DGKD: variants seen among roughly 807,000 people sequenced by gnomAD.
DGKD encodes the protein diacylglycerol kinase delta, also known as DAG kinase delta.
Under a neutral mutation model 154.4 loss-of-function variants are expected in DGKD, and 68 were observed. That is an observed-to-expected ratio of 0.44 (90% CI 0.36 to 0.54). DGKD has a LOEUF of 0.54. DGKD is among the 20% of genes least tolerant of loss of function. The pLI is 0.00. For synonymous variants in DGKD, 693 were observed against 638.0 expected (o/e 1.09, Z -1.30); for missense variants, 1,343 against 1,593.6 (o/e 0.84, Z 2.68).
chr2:233,387,721 T>G (rs1575017462), intron 1 of DGKD, among the ~76,000 whole-genome samples: 1 of 152,096 alleles, frequency 6.6e-6, no homozygotes, highest in African/African-American at 2.4e-5. Context: ...TCATGGTGTG[T>G]GCAGATGCAC....
At chr2:233,451,715 C>T (rs1408637652) in intron 17 of DGKD, among the ~76,000 whole-genome samples, 1 of 152,128 alleles carries the variant, frequency 6.6e-6, no homozygotes, top group Admixed American at 6.5e-5. Flanking sequence ...CACAGGCACA[C>T]ACCTTAGAAG....
At chr2:233,455,141 A>C (rs1032037377) in intron 19 of DGKD, among the ~76,000 whole-genome samples, 1 of 152,216 alleles carries the variant, frequency 6.6e-6, no homozygotes, top group African/African-American at 2.4e-5. Context: ...TCTTAATGAG[A>C]GCCCCAAGTC....
chr2:233,378,740 T>G (rs757980102), intron 1 of DGKD, among the ~76,000 whole-genome samples: 3 of 152,244 alleles, frequency 2.0e-5, no homozygotes, highest in Non-Finnish European at 4.4e-5. Context: ...TATAATTTCT[T>G]TAAAGATTAG....
chr2:233,448,045 G>A (rs745745050), intron 12 of DGKD, 42 bp from the exon 13 acceptor site: 54 of 1,611,852 alleles, frequency 3.4e-5, no homozygotes, highest in Admixed American at 1.7e-4. Flanking sequence ...GGAGCTTGCT[G>A]TCACAGAGAC....
intron 1 of DGKD, among the ~76,000 whole-genome samples, chr2:233,375,841 A>G (rs1037761503): frequency 4.6e-5 from 7 of 151,940 alleles, no homozygotes; most frequent in African/African-American, 1.7e-4. Context: ...CCACACCCCT[A>G]CTTTTCTCCT....
rs768303020 is a variant in DGKD at position 233,437,513 on chromosome 2, C to T, written c.922+34C>T. ...CACACATGCTTATCCTTCTCATGCA[C>T]GCCCACACGCTTCCTTCTCCACGCA... is the stretch of plus-strand genomic sequence containing the variant. On this transcript the variant is annotated intron_variant, in intron 8 of 29. Transcript: ENST00000264057. The T allele has an allele frequency of 3.5e-5, 56 of 1,581,292 alleles. 2 individuals are homozygous for T. The highest frequency in any genetic ancestry group is 3.3e-4 in the Middle Eastern group (2 of 6,040).
At chr2:233,426,162 A>G (rs2062290941) in intron 3 of DGKD, among the ~76,000 whole-genome samples, 1 of 152,244 alleles carries the variant, frequency 6.6e-6, no homozygotes, top group Non-Finnish European at 1.5e-5. Context: ...GTTTTAACAT[A>G]GTGCTGCCAG....
chr2:233,403,579 A>G (rs1442796227), intron 3 of DGKD, among the ~76,000 whole-genome samples: 1 of 152,060 alleles, frequency 6.6e-6, no homozygotes, highest in African/African-American at 2.4e-5. Context: ...AAATAAAAGT[A>G]AAATAGGGAG....
intron 1 of DGKD, among the ~76,000 whole-genome samples, chr2:233,370,819 A>G (rs1349229483): frequency 1.3e-5 from 2 of 151,596 alleles, no homozygotes; most frequent in South Asian, 4.2e-4. Flanking sequence ...TGGTGCAGTC[A>G]TGGCTCACTG....
At chr2:233,397,023 G>T (rs1234582721) in intron 3 of DGKD, among the ~76,000 whole-genome samples, 1 of 54,712 alleles carries the variant, frequency 1.8e-5, no homozygotes, top group Non-Finnish European at 3.9e-5. Flanking sequence ...GGCTGGGGGG[G>T]GGGGCGCCAG....
intron 12 of DGKD, chr2:233,447,739 C>A: frequency 9.1e-7 from 1 of 1,102,978 alleles, no homozygotes; most frequent in Non-Finnish European, 1.1e-6. Context: ...CTGCTGCAAA[C>A]GGACCCAAAC....
intron 1 of DGKD, among the ~76,000 whole-genome samples, chr2:233,371,360 T>G (rs1376144597): frequency 6.6e-6 from 1 of 152,210 alleles, no homozygotes; most frequent in African/African-American, 2.4e-5. Flanking sequence ...GAAATACCTA[T>G]TCAGGTCCAT....
chr2:233,434,967 G>A (rs544210728), intron 5 of DGKD, 66 bp downstream of exon 5: 1,072 of 1,558,056 alleles, frequency 6.9e-4, no homozygotes, highest in Non-Finnish European at 9.0e-4. Context: ...TAAAGCCTTG[G>A]AAATCCAAAC....
Position 233,458,344 on chromosome 2 carries a change from A to T in DGKD, c.2641A>T (p.Met881Leu). 4 of 1,612,376 alleles carry T rather than the reference A, an allele frequency of 2.5e-6. No homozygotes were observed. The highest frequency in any genetic ancestry group is 3.4e-6 in the Non-Finnish European group (4 of 1,179,924). Residue 881 changes from methionine (M) to leucine (L), a missense_variant, in exon 22 of 30, where the codon ATG becomes TTG. By Grantham distance (15) the Met-to-Leu change is conservative. Coordinates refer to ENST00000264057, the MANE Select transcript of DGKD (RefSeq NM_152879.3). The surrounding 1 kb of genome is among the most constrained non-coding windows in gnomAD (Gnocchi z 6.6). ...ILEVVAVFGS[M>L]QMAVSRVIRL... ...GGAGGTGGTCGCCGTGTTCGGCAGC[A>T]TGCAGATGGCCGTCTCTCGAGTCAT...
chr2:233,408,824 G>A (rs1165715276), intron 3 of DGKD: 1 of 152,260 alleles, frequency 6.6e-6, no homozygotes, highest in Non-Finnish European at 1.5e-5. Context: ...TCCACACCTG[G>A]TAATCCACAC....
Position 233,464,170 on chromosome 2 carries a change from G to C in DGKD, c.3193G>C (p.Asp1065His), listed in dbSNP as rs2063756027. 5 of 1,613,456 alleles carry C rather than the reference G, an allele frequency of 3.1e-6. No individual in the cohort carries two copies. Among genetic ancestry groups the C allele is most frequent in the Non-Finnish European group, 4.2e-6 (5 of 1,180,024 alleles). ...LLSGKMALQL[D>H]PPQKEQLGSA... ...CTCCCTCCGCCTGGAGCAGCAGCTG[G>C]ATCCGCCTCAGAAGGAGCAGCTGGG... Residue 1065 changes from aspartate to histidine, a missense_variant, in exon 27 of 30, where the codon GAT (aspartate) becomes CAT (histidine). Around this residue, in one of 6 missense-constraint regions of DGKD, gnomAD observed 429 missense variants for 496.3 expected, o/e 0.86. Coordinates refer to ENST00000264057, the MANE Select transcript of DGKD (RefSeq NM_152879.3).
chr2:233,367,633 T>G (rs1368601332), intron 1 of DGKD, among the ~76,000 whole-genome samples: 1 of 152,168 alleles, frequency 6.6e-6, no homozygotes. Flanking sequence ...TACATTGTTG[T>G]TTTATCTCCT....
chr2:233,393,481 T>C (rs13396948), intron 3 of DGKD, among the ~76,000 whole-genome samples: 2,246 of 150,960 alleles, frequency 0.015, 53 homozygotes, highest in African/African-American at 0.052. Context: ...GGATTACAGG[T>C]GTGTCCCACC....
chr2:233,377,833 T>C (rs1227435440), intron 1 of DGKD, among the ~76,000 whole-genome samples: 1 of 152,152 alleles, frequency 6.6e-6, no homozygotes, highest in Non-Finnish European at 1.5e-5. Flanking sequence ...TGTTTTGAGA[T>C]AGAGTCTTGC....
Sources: gnomAD v4.1 joint callset for allele counts (sites outside exome capture counted in the v4.1 genomes callset) on GRCh38, gnomAD v4.1.1 for gene constraint, gnomAD v4.1.1 regional missense constraint, Gnocchi (gnomAD v3.1) non-coding constraint, MANE v1.5 for transcripts, NCBI Gene and HGNC (gene_info 2026-07-23, HGNC 2026-07-21) for gene names.